Variants in SCAF4 observed in about 807,000 individuals in gnomAD.
The protein encoded by SCAF4 is SR-related CTD associated factor 4.
SCAF4 carries 25 observed loss-of-function variants against 129.8 expected under a neutral mutation model. The observed-to-expected ratio is 0.19, with a 90% CI of 0.14 to 0.27. SCAF4 has a LOEUF of 0.27. Among genes scored for constraint, SCAF4 ranks in the 10% least tolerant of loss-of-function variants. SCAF4 has a pLI of 1.00. For missense variants in SCAF4, 1,246 were observed against 1,457.1 expected, an observed-to-expected ratio of 0.86 and a Z score of 2.36; for synonymous variants, 551 against 497.7, an observed-to-expected ratio of 1.11 and a Z score of -1.43.
chr21:31,691,888 T>G lies in SCAF4; in HGVS notation c.1657A>C (p.Arg553=), dbSNP rs1417314291. The part of the protein sequence containing the change: ...RGCAYIVMVH[R]QDAYRALQKL... The stretch of plus-strand genomic sequence containing the variant: ...TGCAGGGCACGATAGGCATCTTGCC[T>G]ATGAACCATAACAATATAGGCACAA... The change falls in exon 14 of 20, where the codon AGG becomes CGG. Residue 553 remains arginine (R), a synonymous_variant. Transcript: ENST00000286835. The G allele has an allele frequency of 1.4e-5, 23 of 1,608,430 alleles. No homozygotes were observed. The highest frequency in any genetic ancestry group is 1.9e-5 in the Non-Finnish European group (22 of 1,176,940).
intron 19 of SCAF4, among the ~76,000 whole-genome samples, chr21:31,682,512 T>C (rs531202713): frequency 9.1e-4 from 138 of 152,306 alleles, no homozygotes; most frequent in Middle Eastern, 3.4e-3. Context: ...TGACATTTCT[T>C]ACCTGTAATA....
intron 7 of SCAF4, among the ~76,000 whole-genome samples, chr21:31,699,470 C>A (rs2050467294): frequency 2.0e-5 from 3 of 150,038 alleles, no homozygotes. Flanking sequence ...GTGTGGAATT[C>A]TTTCCTTATT....
chr21:31,678,120 T>C (rs766861023), intron 19 of SCAF4, among the ~76,000 whole-genome samples: 51 of 152,210 alleles, frequency 3.4e-4, no homozygotes, highest in Non-Finnish European at 5.4e-4. Context: ...CTGCTGAAGA[T>C]GCCAGAATTT....
chr21:31,702,414 T>C (rs888597848), intron 4 of SCAF4, 35 bp from the exon 5 acceptor site: 1 of 1,592,342 alleles, frequency 6.3e-7, no homozygotes, highest in African/African-American at 1.4e-5. Flanking sequence ...ATACAATAAA[T>C]ATTTGCATAA....
intron 1 of SCAF4, among the ~76,000 whole-genome samples, chr21:31,727,730 G>A (rs1017191904): frequency 1.3e-5 from 2 of 152,048 alleles, no homozygotes; most frequent in Admixed American, 6.5e-5. Context: ...GGCGGAGGCT[G>A]CAGTGAGCTG....
In SCAF4 at chr21:31,700,288, C is replaced by T. The variant is rs373049552; in HGVS notation, c.777+707G>A. Among the ~76,000 whole-genome samples the T allele has an allele frequency of 1.5e-4, 22 of 151,370 alleles. No individual in the cohort carries two copies. In the South Asian group the frequency reaches 4.2e-3, roughly 29 times the overall value. On this transcript the variant is annotated intron_variant, in intron 7 of 19. Coordinates refer to ENST00000286835, the MANE Select transcript of SCAF4 (RefSeq NM_020706.2). ...CACATATATATTAAAAATAAATAAA[C>T]ACAGACGGAGTCTCACTATGTTGCC...
At chr21:31,717,946 C>CACACACAT (rs1491481823) in intron 1 of SCAF4, among the ~76,000 whole-genome samples, 42 of 118,656 alleles carry the variant, frequency 3.5e-4, no homozygotes, top group Non-Finnish European at 5.3e-4. Flanking sequence ...CACACACACA[C>CACACACAT]ATATATATTT....
intron 19 of SCAF4, among the ~76,000 whole-genome samples, chr21:31,675,148 T>C (rs1213630409): frequency 6.6e-6 from 1 of 152,144 alleles, no homozygotes; most frequent in Non-Finnish European, 1.5e-5. Flanking sequence ...AATGACTTGA[T>C]GAAAACTAAG....
At chr21:31,700,180 A>ACT (rs958276431) in intron 7 of SCAF4, among the ~76,000 whole-genome samples, 21 of 129,644 alleles carry the variant, frequency 1.6e-4, no homozygotes, top group Non-Finnish European at 2.7e-4. Context: ...ATACACACAC[A>ACT]CTCACACACA....
chr21:31,731,712 C>A lies in SCAF4; in HGVS notation c.-20G>T, dbSNP rs780919002. On this transcript the variant is annotated 5_prime_UTR_variant, in exon 1 of 20. Coordinates refer to ENST00000286835, the MANE Select transcript of SCAF4 (RefSeq NM_020706.2). ...GTCCATGTTCGCGCTGCGGCGGCGG[C>A]TGCTCCGGGCCCGCCGGTCACATAG... is the stretch of plus-strand genomic sequence containing the variant. 4 of 1,576,912 alleles carry A rather than the reference C, an allele frequency of 2.5e-6. No individual in the cohort carries two copies. The highest frequency in any genetic ancestry group is 3.4e-6 in the Non-Finnish European group (4 of 1,168,310).
At position 31,685,730 on chromosome 21, in the gene SCAF4, G is replaced by C; in HGVS notation, c.2047C>G (p.Pro683Ala). Residue 683 changes from proline (P) to alanine (A), a missense_variant, in exon 17 of 20, where the codon CCA (proline) becomes GCA (alanine). Around this residue, in one of 6 missense-constraint regions of SCAF4, gnomAD observed 468 missense variants for 605.5 expected, o/e 0.77. Transcript: ENST00000286835. ...APITVPPPQV[P>A]PHQPGPPVVG... ...ACAGGTGGACCCGGTTGATGTGGTG[G>C]GACCTAGAAAGAAAGATAAAAGAAT... The C allele has an allele frequency of 1.9e-6, 3 of 1,576,462 alleles. No homozygotes were observed. Among genetic ancestry groups the C allele is most frequent in the Non-Finnish European group, 2.6e-6 (3 of 1,165,600 alleles).
At chr21:31,731,408 C>T (rs1368823188) in intron 1 of SCAF4, among the ~76,000 whole-genome samples, 1 of 152,150 alleles carries the variant, frequency 6.6e-6, no homozygotes, top group East Asian at 1.9e-4. Flanking sequence ...TATGGGAGGC[C>T]GCAAGGGGGC....
intron 7 of SCAF4, among the ~76,000 whole-genome samples, chr21:31,697,213 T>C (rs980469918): frequency 6.6e-6 from 1 of 151,212 alleles, no homozygotes; most frequent in African/African-American, 2.4e-5. Flanking sequence ...TATACTAATA[T>C]AAAAAAAGAA....
rs367618143 is a variant in SCAF4, at chr21:31,684,999, TGGGGGGGGG to T, written c.2488+41_2488+49del. ...TCTAACTTGGGGATGGGTGGGGGGG[TGGGGGGGGG>T]GTGGGGCAAGGAAAACTAATGATAA... On this transcript the variant is annotated intron_variant, in intron 19 of 19. Transcript: ENST00000286835. 7 of 561,858 alleles carry T rather than the reference TGGGGGGGGG, an allele frequency of 1.2e-5. No individual in the cohort carries two copies. In the East Asian group the frequency reaches 2.6e-4, roughly 21 times the overall value. The allele number at this position is 561,858 out of a possible 1,614,324, so 34.8% of individuals were successfully genotyped here.
intron 1 of SCAF4, among the ~76,000 whole-genome samples, chr21:31,719,516 T>G (rs2123670248): frequency 6.6e-6 from 1 of 152,270 alleles, no homozygotes; most frequent in Non-Finnish European, 1.5e-5. Flanking sequence ...TTTTTTTTGT[T>G]TTTTTGAGAT....
intron 19 of SCAF4, among the ~76,000 whole-genome samples, chr21:31,673,127 CAAT>C (rs1355680902): frequency 6.6e-6 from 1 of 152,178 alleles, no homozygotes; most frequent in Admixed American, 6.5e-5. Flanking sequence ...GCTGAAATAA[CAAT>C]GACTTCTTGG....
At chr21:31,725,553 T>C (rs1225711675) in intron 1 of SCAF4, among the ~76,000 whole-genome samples, 1 of 152,248 alleles carries the variant, frequency 6.6e-6, no homozygotes, top group Non-Finnish European at 1.5e-5. Context: ...ATTTTTTTTC[T>C]GTACTGCAAA....
At chr21:31,694,716 C>T (rs1353266300) in intron 10 of SCAF4, 97 bp downstream of exon 10, 3 of 1,233,342 alleles carry the variant, frequency 2.4e-6, no homozygotes, top group Non-Finnish European at 3.5e-6. Context: ...GGTCTTTCTT[C>T]ATATTCAAAA....
chr21:31,694,902 C>A lies in SCAF4; in HGVS notation c.1147G>T (p.Val383Leu), dbSNP rs756809992. 8.1e-6 allele frequency: 13 copies of A among 1,614,002 alleles called. No individual in the cohort carries two copies. The highest frequency in any genetic ancestry group is 1.1e-5 in the Non-Finnish European group (13 of 1,179,952). ...TGCACTGGTGGAGTTGGAGGAATCA[C>A]AGGCTGAGCCATGGGAGGAAATGGA... ...TPPFPPMAQP[V>L]IPPTPPVQQP... The change falls in exon 10 of 20, where the codon GTG (valine) becomes TTG (leucine). Residue 383 changes from valine (V) to leucine (L), a missense_variant. Physicochemically the swap from Val to Leu is conservative, Grantham distance 32 (BLOSUM62 1). Coordinates refer to ENST00000286835, the MANE Select transcript of SCAF4 (RefSeq NM_020706.2).
Sources: gnomAD v4.1 joint callset for allele counts (sites outside exome capture counted in the v4.1 genomes callset) on GRCh38, gnomAD v4.1.1 for gene constraint, gnomAD v4.1.1 regional missense constraint, MANE v1.5 for transcripts, NCBI Gene and HGNC (gene_info 2026-07-23, HGNC 2026-07-21) for gene names.